Variants in FBXL17 observed in about 807,000 individuals in gnomAD.
FBXL17 encodes the protein F-box and leucine rich repeat protein 17.
A neutral mutation model predicts 66.2 loss-of-function variants in FBXL17; 22 were observed. The observed-to-expected ratio is 0.33, with a 90% CI of 0.24 to 0.47. The LOEUF (loss-of-function observed/expected upper bound fraction) is 0.47, where lower values mean the gene tolerates loss of function less well. Ranked by LOEUF, FBXL17 falls within the 20% of genes least tolerant of loss-of-function variation. FBXL17 has a pLI of 1.00. For synonymous variants in FBXL17, 474 were observed against 400.5 expected, an observed-to-expected ratio of 1.18 and a Z score of -2.19; for missense variants, 878 against 948.2, an observed-to-expected ratio of 0.93 and a Z score of 0.97.
At position 108,348,461 on chromosome 5, in the gene FBXL17, T is replaced by C; in HGVS notation, c.1444A>G (p.Met482Val). The C allele has an allele frequency of 6.2e-7, 1 of 1,613,668 alleles. No individual in the cohort carries two copies. Among genetic ancestry groups the C allele is most frequent in the Non-Finnish European group, 8.5e-7 (1 of 1,179,648 alleles). ...GQCYKISDEG[M>V]IVIAKGCLKL... ...AGACAGCCCTTAGCTATGACGATCA[T>C]GCCTTCATCTGAGATCTTGTAACAC... The change falls in exon 4 of 9, where the codon ATG (methionine) becomes GTG (valine). Residue 482 changes from methionine to valine, a missense_variant. Transcript: ENST00000542267.
At chr5:107,893,863 T>C (rs1332536706) in intron 7 of FBXL17, among the ~76,000 whole-genome samples, 2 of 152,178 alleles carry the variant, frequency 1.3e-5, no homozygotes, top group East Asian at 3.8e-4. Context: ...ACTTCCACAT[T>C]GCAGTGATGA....
At chr5:108,142,895 G>A (rs1366341291) in intron 6 of FBXL17, among the ~76,000 whole-genome samples, 2 of 151,800 alleles carry the variant, frequency 1.3e-5, no homozygotes, top group Non-Finnish European at 2.9e-5. Flanking sequence ...ATGACGGGTT[G>A]ATGGGTGCAG....
intron 6 of FBXL17, among the ~76,000 whole-genome samples, chr5:108,078,820 C>T (rs1304505729): frequency 1.3e-5 from 2 of 152,156 alleles, no homozygotes; most frequent in African/African-American, 2.4e-5. Context: ...AGTATATAAG[C>T]TTCTGTACTC....
At chr5:108,107,244 G>A (rs1580449985) in intron 6 of FBXL17, among the ~76,000 whole-genome samples, 1 of 151,964 alleles carries the variant, frequency 6.6e-6, no homozygotes, top group African/African-American at 2.4e-5. Context: ...GCTAAGTTTT[G>A]TATTTTTAGT....
chr5:108,224,526 T>TAC (rs1491266843), intron 4 of FBXL17, among the ~76,000 whole-genome samples: 1 of 123,570 alleles, frequency 8.1e-6, no homozygotes, highest in Non-Finnish European at 1.6e-5. Flanking sequence ...TATGTATATG[T>TAC]ATACACACAC....
intron 6 of FBXL17, among the ~76,000 whole-genome samples, chr5:108,031,007 T>C (rs868451248): frequency 6.6e-6 from 1 of 152,082 alleles, no homozygotes; most frequent in Admixed American, 6.6e-5. Context: ...ACAATACTAT[T>C]AGGCCATTTG....
At chr5:108,114,897 C>A (rs1750182400) in intron 6 of FBXL17, among the ~76,000 whole-genome samples, 1 of 152,110 alleles carries the variant, frequency 6.6e-6, no homozygotes, top group African/African-American at 2.4e-5. Context: ...AGGTAAATGA[C>A]AAACATGTTG....
At chr5:108,147,539 C>T (rs144670296) in intron 6 of FBXL17, among the ~76,000 whole-genome samples, 155 of 151,886 alleles carry the variant, frequency 1.0e-3, no homozygotes, top group African/African-American at 3.6e-3. Context: ...AATAAAATGA[C>T]GGATAGGTTA....
At chr5:107,877,403 G>A (rs1748646291) in intron 8 of FBXL17, among the ~76,000 whole-genome samples, 1 of 152,188 alleles carries the variant, frequency 6.6e-6, no homozygotes, top group South Asian at 2.1e-4. Context: ...AAGAGAGACG[G>A]CGGGTGGGGG....
chr5:108,191,465 G>T (rs751739951), intron 5 of FBXL17, among the ~76,000 whole-genome samples: 2 of 152,196 alleles, frequency 1.3e-5, no homozygotes, highest in Non-Finnish European at 2.9e-5. Context: ...AGAAGATGGT[G>T]AGAGCATATA....
In FBXL17 at chr5:108,380,984, G is replaced by A. The variant is rs1580938400; in HGVS notation, c.708C>T (p.Gly236=). Residue 236 remains glycine (G), a synonymous_variant, in exon 1 of 9, where the codon GGC becomes GGT. Transcript: ENST00000542267. ...CGTCGGGGGGCCGGGGCGGCGAAGC[G>A]CCTCCCCCCGCAGGCCCTCCCCCGC... is the stretch of plus-strand genomic sequence containing the variant. ...GGGGGGPAGG[G]ASPPRPPDAG... 9.9e-6 allele frequency: 12 copies of A among 1,211,846 alleles called. No homozygotes were observed. Among genetic ancestry groups the A allele is most frequent in the Non-Finnish European group, 1.1e-5 (11 of 974,764 alleles). The allele number at this position is 1,211,846 out of a possible 1,614,324, so 75.1% of individuals were successfully genotyped here. A position where few individuals can be genotyped will look rare whatever the true frequency, so the allele number is the denominator to read the frequency against.
At chr5:108,100,345 T>C (rs760064469) in intron 6 of FBXL17, among the ~76,000 whole-genome samples, 6 of 152,182 alleles carry the variant, frequency 3.9e-5, no homozygotes, top group Non-Finnish European at 7.4e-5. Context: ...GAGGGAATAG[T>C]ATAAGAATGT....
chr5:108,172,211 C>T (rs1192913070), intron 6 of FBXL17, among the ~76,000 whole-genome samples: 1 of 152,192 alleles, frequency 6.6e-6, no homozygotes, highest in East Asian at 1.9e-4. Flanking sequence ...CTCAGAGAGA[C>T]CAGTCTGAGC....
chr5:108,328,701 C>T (rs953835695), intron 4 of FBXL17, among the ~76,000 whole-genome samples: 2 of 148,236 alleles, frequency 1.3e-5, no homozygotes, highest in Admixed American at 6.8e-5. Context: ...TTATAATATG[C>T]ACTTTTTTTT....
At chr5:108,185,681 C>T (rs1245093892) in intron 6 of FBXL17, among the ~76,000 whole-genome samples, 1 of 151,776 alleles carries the variant, frequency 6.6e-6, no homozygotes, top group Non-Finnish European at 1.5e-5. Context: ...TGTGAGACTC[C>T]ATCTCTGAAA....
At chr5:108,201,234 A>G (rs1191768758) in intron 5 of FBXL17, among the ~76,000 whole-genome samples, 1 of 152,204 alleles carries the variant, frequency 6.6e-6, no homozygotes, top group Non-Finnish European at 1.5e-5. Flanking sequence ...TTCACACAAC[A>G]TTAAACAAAA....
intron 4 of FBXL17, among the ~76,000 whole-genome samples, chr5:108,330,634 CA>C (rs1335145246): frequency 6.6e-6 from 1 of 151,722 alleles, no homozygotes; most frequent in Non-Finnish European, 1.5e-5. Context: ...ACCAAGGGAA[CA>C]AAAAAAACTC....
intron 8 of FBXL17, among the ~76,000 whole-genome samples, chr5:107,873,530 G>A (rs1748521175): frequency 6.6e-6 from 1 of 152,218 alleles, no homozygotes; most frequent in Non-Finnish European, 1.5e-5. Flanking sequence ...GGTAGGCCCT[G>A]AAGACCTGCT....
intron 6 of FBXL17, among the ~76,000 whole-genome samples, chr5:108,086,362 A>G (rs1748969832): frequency 6.6e-6 from 1 of 152,216 alleles, no homozygotes; most frequent in East Asian, 1.9e-4. Flanking sequence ...TTACCATTAG[A>G]TCATAGCCTT....
Sources: allele counts gnomAD v4.1 joint callset (sites outside exome capture counted in the v4.1 genomes callset), GRCh38; gene constraint gnomAD v4.1.1; transcripts MANE v1.5; gene names NCBI Gene and HGNC (gene_info 2026-07-23, HGNC 2026-07-21).